DPF3: variants seen among roughly 807,000 people sequenced by gnomAD.
DPF3 encodes the protein zinc finger protein DPF3.
A neutral mutation model predicts 56.8 loss-of-function variants in DPF3; 18 were observed. That is an observed-to-expected ratio of 0.32 (90% confidence interval 0.22 to 0.47). The LOEUF (loss-of-function observed/expected upper bound fraction) is 0.47, where lower values mean the gene tolerates loss of function less well. Ranked by LOEUF, DPF3 falls within the 20% of genes least tolerant of loss-of-function variation. DPF3 has a pLI of 1.00. For missense variants in DPF3, 403 were observed against 488.8 expected (o/e 0.82, Z 1.65); for synonymous variants, 188 against 180.2 (o/e 1.04, Z -0.35).
intron 8 of DPF3, among the ~76,000 whole-genome samples, chr14:72,640,580 A>T (rs1232767495): frequency 6.6e-6 from 1 of 152,232 alleles, no homozygotes; most frequent in Non-Finnish European, 1.5e-5. Context: ...TTTGAGAGGT[A>T]GAATTGGTCA....
chr14:72,615,230 G>A lies in DPF3; in HGVS notation c.*4067C>T, dbSNP rs980052016. ...GTCCTCAGGGCCCGCCCTGGGCCACGGGCGGCGCAACACCCCCTACCTCCT... is the reference window on the plus strand; with the variant it reads ...GTCCTCAGGGCCCGCCCTGGGCCACAGGCGGCGCAACACCCCCTACCTCCT... On this transcript the variant is annotated 3_prime_UTR_variant, in exon 11 of 11. Coordinates refer to ENST00000556509, the MANE Select transcript of DPF3 (RefSeq NM_001280542.3). 3.9e-5 allele frequency among the ~76,000 whole-genome samples: 6 copies of A among 152,242 alleles called. No homozygotes were observed. The highest frequency in any genetic ancestry group is 4.4e-5 in the Non-Finnish European group (3 of 68,000).
intron 8 of DPF3, among the ~76,000 whole-genome samples, chr14:72,637,154 G>T (rs1316354505): frequency 6.6e-6 from 1 of 152,138 alleles, no homozygotes; most frequent in Non-Finnish European, 1.5e-5. Context: ...ACAGCCAAGG[G>T]CTCATGGCGC....
intron 1 of DPF3, among the ~76,000 whole-genome samples, chr14:72,804,340 C>A (rs929082004): frequency 6.6e-6 from 1 of 152,060 alleles, no homozygotes; most frequent in African/African-American, 2.4e-5. Flanking sequence ...TTATGCCAAC[C>A]TATAATTATC....
At chr14:72,723,839 A>G (rs1889284059) in intron 4 of DPF3, 111 bp from the exon 5 acceptor site, 1 of 1,103,168 alleles carries the variant, frequency 9.1e-7, no homozygotes, top group Admixed American at 2.6e-5. Flanking sequence ...TAACAAAGTG[A>G]AGACGCTGCC....
intron 6 of DPF3, among the ~76,000 whole-genome samples, chr14:72,709,691 A>C (rs972569391): frequency 1.3e-5 from 2 of 152,068 alleles, no homozygotes; most frequent in African/African-American, 4.8e-5. Flanking sequence ...CGCTGGGATC[A>C]TATCCCACTG....
intron 1 of DPF3, among the ~76,000 whole-genome samples, chr14:72,886,390 A>C (rs1886548147): frequency 6.6e-6 from 1 of 152,046 alleles, no homozygotes; most frequent in Non-Finnish European, 1.5e-5. Flanking sequence ...AAGAAAGAAA[A>C]GGGTCTGGAA....
chr14:72,714,935 C>T (rs1203095782), intron 5 of DPF3, among the ~76,000 whole-genome samples: 2 of 152,336 alleles, frequency 1.3e-5, no homozygotes, highest in Admixed American at 6.5e-5. Flanking sequence ...AGGTTGACAA[C>T]CCCAGGCCCC....
intron 1 of DPF3, among the ~76,000 whole-genome samples, chr14:72,882,219 C>T (rs1338125018): frequency 6.6e-6 from 1 of 152,186 alleles, no homozygotes; most frequent in Non-Finnish European, 1.5e-5. Context: ...ATTGTCATTG[C>T]TGATCAAAGC....
intron 1 of DPF3, among the ~76,000 whole-genome samples, chr14:72,888,067 G>A (rs933532423): frequency 2.6e-4 from 39 of 152,146 alleles, no homozygotes; most frequent in Admixed American, 2.0e-3. Flanking sequence ...ACATGTGCCA[G>A]CATTGTTCCG....
In DPF3 at chr14:72,756,869, A is replaced by AAGG. The variant is rs1890829629; in HGVS notation, c.194-3499_194-3498insCCT. On this transcript the variant is annotated intron_variant, in intron 2 of 10. Coordinates refer to ENST00000556509, the MANE Select transcript of DPF3 (RefSeq NM_001280542.3). Reference sequence around the variant, plus strand: ...GAAAGAAAGAAAGAAAGAAAGAAAGAAAGGAAGGAAAGAAGGAAAGAAAGA... The same window carrying AAGG: ...GAAAGAAAGAAAGAAAGAAAGAAAGAAGGAAGGAAGGAAAGAAGGAAAGAAAGA... 4.4e-3 allele frequency among the ~76,000 whole-genome samples: 420 copies of AAGG among 95,680 alleles called. 4 individuals carry two copies. Among genetic ancestry groups the AAGG allele is most frequent in the African/African-American group, 9.1e-3 (212 of 23,348 alleles). The allele number at this position is 95,680 out of a possible 152,430, so 62.8% of individuals were successfully genotyped here. A position where few individuals can be genotyped will look rare whatever the true frequency, so the allele number is the denominator to read the frequency against.
At chr14:72,678,338 C>T (rs1040313783) in intron 7 of DPF3, among the ~76,000 whole-genome samples, 1 of 152,176 alleles carries the variant, frequency 6.6e-6, no homozygotes, top group Non-Finnish European at 1.5e-5. Flanking sequence ...ATGATATTTA[C>T]GAAGCCCAAA....
At chr14:72,884,285 C>T (rs1013209153) in intron 1 of DPF3, among the ~76,000 whole-genome samples, 1 of 152,202 alleles carries the variant, frequency 6.6e-6, no homozygotes, top group African/African-American at 2.4e-5. Flanking sequence ...GGGCTATTTA[C>T]ACAGCCTGGA....
Position 72,755,865 on chromosome 14 carries a change from AG to A in DPF3, c.194-2495del, listed in dbSNP as rs1387724264. Among the ~76,000 whole-genome samples, 23 of 152,330 alleles carry A rather than the reference AG, an allele frequency of 1.5e-4. No homozygotes were observed. In the East Asian group the frequency reaches 4.2e-3, roughly 28 times the overall value. On this transcript the variant is annotated intron_variant, in intron 2 of 10. Coordinates refer to ENST00000556509, the MANE Select transcript of DPF3 (RefSeq NM_001280542.3). ...CCTCCTCAACAGGCTGACAGGCACCAGGGTTCCTTTATAGGAAAAACACGTT... is the reference window on the plus strand; with the variant it reads ...CCTCCTCAACAGGCTGACAGGCACCAGGTTCCTTTATAGGAAAAACACGTT...
rs556972006 is a variant in DPF3, at chr14:72,609,451, G to A, written c.*9846C>T. 1.3e-5 allele frequency among the ~76,000 whole-genome samples: 2 copies of A among 152,290 alleles called. No homozygotes were observed. The highest frequency in any genetic ancestry group is 3.9e-4 in the East Asian group (2 of 5,186). Reference sequence around the variant, plus strand: ...ATTGTCACAATCTGCCAGCTCTCTGGGAATCACAGAACCATCATGTCCCCT... The same window carrying A: ...ATTGTCACAATCTGCCAGCTCTCTGAGAATCACAGAACCATCATGTCCCCT... On this transcript the variant is annotated 3_prime_UTR_variant, in exon 11 of 11. Transcript: ENST00000556509.
At chr14:72,758,820 GT>G (rs1452882571) in intron 2 of DPF3, among the ~76,000 whole-genome samples, 1 of 152,206 alleles carries the variant, frequency 6.6e-6, no homozygotes, top group Middle Eastern at 3.4e-3. Flanking sequence ...ACATCAAACT[GT>G]TTTCAAATAA....
At chr14:72,701,741 C>G (rs1888172699) in intron 6 of DPF3, among the ~76,000 whole-genome samples, 2 of 152,190 alleles carry the variant, frequency 1.3e-5, no homozygotes, top group African/African-American at 2.4e-5. Context: ...TTCCGAGAGA[C>G]TGAAAGCAGT....
intron 1 of DPF3, among the ~76,000 whole-genome samples, chr14:72,781,745 G>T (rs1215839033): frequency 6.6e-6 from 1 of 152,138 alleles, no homozygotes; most frequent in Middle Eastern, 3.4e-3. Context: ...GGACGCTCCG[G>T]GGAGGAAGAG....
At chr14:72,649,670 G>GGGGGGTT (rs397967973) in intron 8 of DPF3, among the ~76,000 whole-genome samples, 1 of 112,364 alleles carries the variant, frequency 8.9e-6, no homozygotes, top group African/African-American at 3.3e-5. Context: ...TGGGGGGGGG[G>GGGGGGTT]ATTAATGTAT....
At chr14:72,703,033 G>A (rs75454194) in intron 6 of DPF3, among the ~76,000 whole-genome samples, 1 of 152,274 alleles carries the variant, frequency 6.6e-6, no homozygotes, top group African/African-American at 2.4e-5. Context: ...GAATATGGGG[G>A]TTGGATCAGA....
Sources: gnomAD v4.1 joint callset for allele counts (sites outside exome capture counted in the v4.1 genomes callset) on GRCh38, gnomAD v4.1.1 for gene constraint, MANE v1.5 for transcripts, NCBI Gene and HGNC (gene_info 2026-07-23, HGNC 2026-07-21) for gene names.